The following SLX4IP variants were observed in gnomAD, a reference collection of about 807,000 sequenced individuals.
The protein encoded by SLX4IP is SLX4 interacting protein.
Under a neutral mutation model 32.9 loss-of-function variants are expected in SLX4IP, and 34 were observed. The observed-to-expected ratio is 1.03, with a 90% CI of 0.79 to 1.38. The LOEUF (loss-of-function observed/expected upper bound fraction) is 1.38, where lower values mean the gene tolerates loss of function less well. SLX4IP is among the 40% of genes most tolerant of loss of function. The pLI is 0.00. For missense variants in SLX4IP, 444 were observed against 479.0 expected (o/e 0.93, Z 0.68); for synonymous variants, 172 against 171.7 (o/e 1.00, Z -0.01).
intron 2 of SLX4IP, among the ~76,000 whole-genome samples, chr20:10,504,355 ATGTAGCTCTGGTC>A (rs1240484603): frequency 6.6e-6 from 1 of 152,148 alleles, no homozygotes; most frequent in Non-Finnish European, 1.5e-5. Flanking sequence ...CCTCCTGCAG[ATGTAGCTCTGGTC>A]CCTTGTGGGA....
Position 10,620,503 on chromosome 20 carries a change from A to C in SLX4IP, c.406-811A>C, listed in dbSNP as rs1393116883. On this transcript the variant is annotated intron_variant, in intron 6 of 7. Transcript: ENST00000334534. Reference sequence around the variant, plus strand: ...CAAGAATCACAAACTACAGTTTTCAAAATACCAATATTAAAAGATTTGACT... The same window carrying C: ...CAAGAATCACAAACTACAGTTTTCACAATACCAATATTAAAAGATTTGACT... Among the ~76,000 whole-genome samples the C allele has an allele frequency of 2.0e-5, 3 of 152,220 alleles. No homozygotes were observed. In the East Asian group the frequency reaches 5.8e-4, roughly 29 times the overall value.
intron 4 of SLX4IP, among the ~76,000 whole-genome samples, chr20:10,565,087 A>G (rs964786960): frequency 6.6e-5 from 10 of 151,050 alleles, no homozygotes; most frequent in South Asian, 2.1e-4. Context: ...GCCCGTCTTG[A>G]TCAGCTCTTA....
chr20:10,540,803 G>A (rs1206035334), intron 2 of SLX4IP, among the ~76,000 whole-genome samples: 1 of 152,192 alleles, frequency 6.6e-6, no homozygotes, highest in African/African-American at 2.4e-5. Context: ...AAATGGGTCA[G>A]AGGAAGAAAA....
intron 3 of SLX4IP, among the ~76,000 whole-genome samples, chr20:10,560,338 G>T (rs530341806): frequency 6.6e-6 from 1 of 152,268 alleles, no homozygotes; most frequent in South Asian, 2.1e-4. Flanking sequence ...TCTTCTATTT[G>T]TCACAGTACA....
Position 10,560,804 on chromosome 20 carries a change from T to A in SLX4IP, c.222T>A (p.Asn74Lys). The change falls in exon 4 of 8, where the codon AAT becomes AAA. Residue 74 changes from asparagine to lysine, a missense_variant. Transcript: ENST00000334534. ...RPSNAEFTRS[N>K]PLSLKGYGFQ... The stretch of plus-strand genomic sequence containing the variant: ...CAAATGCAGAATTCACAAGATCCAA[T>A]CCCTTGTCCTTAAAAGGTAGGCACA... 1 of 1,600,796 alleles carries A rather than the reference T, an allele frequency of 6.2e-7. No individual in the cohort carries two copies. Among genetic ancestry groups the A allele is most frequent in the South Asian group, 1.1e-5 (1 of 88,054 alleles).
intron 2 of SLX4IP, among the ~76,000 whole-genome samples, chr20:10,537,101 A>G (rs1218804425): frequency 6.6e-6 from 1 of 152,208 alleles, no homozygotes; most frequent in Non-Finnish European, 1.5e-5. Flanking sequence ...AACAATTCAT[A>G]TTCAATAGCA....
At chr20:10,506,830 G>A (rs764951721) in intron 2 of SLX4IP, among the ~76,000 whole-genome samples, 15 of 152,160 alleles carry the variant, frequency 9.9e-5, no homozygotes, top group Non-Finnish European at 1.9e-4. Flanking sequence ...GGCAGCAGGG[G>A]GTGTGGGAAC....
intron 4 of SLX4IP, among the ~76,000 whole-genome samples, chr20:10,576,804 T>G (rs529026167): frequency 6.6e-6 from 1 of 152,154 alleles, no homozygotes; most frequent in Non-Finnish European, 1.5e-5. Flanking sequence ...ATAAAAGTTA[T>G]AAGACCTGAA....
intron 6 of SLX4IP, among the ~76,000 whole-genome samples, chr20:10,607,036 CA>C (rs1433691329): frequency 6.6e-6 from 1 of 152,090 alleles, no homozygotes; most frequent in Non-Finnish European, 1.5e-5. Flanking sequence ...TTATGTTTTT[CA>C]AATTAGATAA....
At chr20:10,545,427 T>G (rs1427795395) in intron 2 of SLX4IP, among the ~76,000 whole-genome samples, 1 of 152,192 alleles carries the variant, frequency 6.6e-6, no homozygotes, top group Non-Finnish European at 1.5e-5. Context: ...GACACCCGCT[T>G]TAAAAGAGTA....
intron 1 of SLX4IP, among the ~76,000 whole-genome samples, chr20:10,438,370 G>A (rs899379836): frequency 2.6e-5 from 4 of 151,210 alleles, no homozygotes; most frequent in African/African-American, 9.7e-5. Context: ...ACCCCTAAAA[G>A]TTTCCTCTTG....
intron 2 of SLX4IP, among the ~76,000 whole-genome samples, chr20:10,503,662 A>C (rs1374464328): frequency 6.6e-6 from 1 of 152,180 alleles, no homozygotes; most frequent in East Asian, 1.9e-4. Context: ...GCTTTAAACA[A>C]TAGATATTTA....
intron 2 of SLX4IP, among the ~76,000 whole-genome samples, chr20:10,518,500 TC>T (rs2065876383): frequency 1.6e-5 from 1 of 62,512 alleles, no homozygotes; most frequent in Non-Finnish European, 3.4e-5. Context: ...TTTCCTTCCT[TC>T]CTTCCTTCCT....
intron 2 of SLX4IP, among the ~76,000 whole-genome samples, chr20:10,526,466 G>T (rs1383122347): frequency 6.6e-6 from 1 of 152,180 alleles, no homozygotes; most frequent in Non-Finnish European, 1.5e-5. Flanking sequence ...TCTGACACGT[G>T]CTGGTATTTG....
At chr20:10,556,393 T>C in intron 3 of SLX4IP, 73 bp downstream of exon 3, 1 of 1,430,884 alleles carries the variant, frequency 7.0e-7, no homozygotes, top group East Asian at 2.3e-5. Flanking sequence ...TCTTTCCAGC[T>C]TTCATTTCTG....
intron 4 of SLX4IP, among the ~76,000 whole-genome samples, chr20:10,574,588 A>T (rs1000859722): frequency 6.6e-6 from 1 of 152,108 alleles, no homozygotes; most frequent in Non-Finnish European, 1.5e-5. Context: ...GACTTTCGGC[A>T]TATCTGGGAA....
At chr20:10,573,628 G>GTT (rs2122517277) in intron 4 of SLX4IP, among the ~76,000 whole-genome samples, 1 of 152,296 alleles carries the variant, frequency 6.6e-6, no homozygotes, top group South Asian at 2.1e-4. Context: ...CACTCATGTG[G>GTT]TTTTAGCAAC....
intron 2 of SLX4IP, among the ~76,000 whole-genome samples, chr20:10,510,579 GTTA>G (rs949994949): frequency 2.0e-4 from 30 of 149,466 alleles, no homozygotes; most frequent in Non-Finnish European, 3.0e-4. Context: ...AATTATTGTT[GTTA>G]TTATTATTAT....
At chr20:10,459,201 T>A (rs1291287028) in intron 2 of SLX4IP, among the ~76,000 whole-genome samples, 1 of 152,226 alleles carries the variant, frequency 6.6e-6, no homozygotes. Context: ...TACTTTTTAA[T>A]GGCGTCATTT....
Sources: allele counts gnomAD v4.1 joint callset (sites outside exome capture counted in the v4.1 genomes callset), GRCh38; gene constraint gnomAD v4.1.1; transcripts MANE v1.5; gene names NCBI Gene and HGNC (gene_info 2026-07-23, HGNC 2026-07-21).